Variants in ELMOD1 observed in about 807,000 individuals in gnomAD.
ELMOD1 encodes the protein ELMO domain containing 1, also known as ELMO domain-containing protein 1.
Under a neutral mutation model 46.7 loss-of-function variants are expected in ELMOD1, and 21 were observed. The ratio of observed to expected loss-of-function variants is 0.45; its 90% confidence interval spans 0.32 to 0.65. The LOEUF is 0.65. Among genes scored for constraint, ELMOD1 ranks in the 30% least tolerant of loss-of-function variants. ELMOD1 has a pLI of 0.04. For missense variants in ELMOD1, 348 were observed against 407.8 expected (o/e 0.85, Z 1.26); for synonymous variants, 122 against 138.2 (o/e 0.88, Z 0.82).
Position 107,630,490 on chromosome 11 carries a change from C to G in ELMOD1, c.91C>G (p.Leu31Val). 2 of 1,608,740 alleles carry G rather than the reference C, an allele frequency of 1.2e-6. No individual in the cohort carries two copies. The highest frequency in any genetic ancestry group is 1.7e-6 in the Non-Finnish European group (2 of 1,177,458). Residue 31 changes from leucine to valine, a missense_variant, in exon 3 of 12, where the codon CTA (leucine) becomes GTA (valine). Leu to Val is a conservative substitution (Grantham distance 32). Transcript: ENST00000265840. ...WRCLKFVMRK[L>V]TGRCELQRIC... is the part of the protein sequence containing the mutation. ...CTGCCTGAAATTTGTAATGAGGAAG[C>G]TAACTGGAAGATGTGAACTACAACG...
intron 2 of ELMOD1, among the ~76,000 whole-genome samples, chr11:107,620,850 G>A (rs1036429704): frequency 7.9e-5 from 12 of 152,228 alleles, no homozygotes; most frequent in Middle Eastern, 3.4e-3. Flanking sequence ...GCAAAAGAGC[G>A]AGACTCCGTC....
At chr11:107,599,981 A>C (rs1865569618) in intron 1 of ELMOD1, among the ~76,000 whole-genome samples, 1 of 152,130 alleles carries the variant, frequency 6.6e-6, no homozygotes, top group African/African-American at 2.4e-5. Context: ...TAATTATTAT[A>C]GACTTTCTTG....
intron 6 of ELMOD1, among the ~76,000 whole-genome samples, chr11:107,646,254 G>T (rs1374259158): frequency 6.6e-6 from 1 of 152,236 alleles, no homozygotes; most frequent in African/African-American, 2.4e-5. Context: ...AAGCAGTAAA[G>T]AGTATAATGC....
At chr11:107,662,788 G>A (rs926105889) in intron 11 of ELMOD1, among the ~76,000 whole-genome samples, 1 of 151,988 alleles carries the variant, frequency 6.6e-6, no homozygotes, top group African/African-American at 2.4e-5. Flanking sequence ...AGCCAGGCAT[G>A]GTGGCACACG....
chr11:107,644,218 C>T (rs1472056288), intron 6 of ELMOD1, among the ~76,000 whole-genome samples: 1 of 151,784 alleles, frequency 6.6e-6, no homozygotes, highest in Non-Finnish European at 1.5e-5. Context: ...ATCCCTTGTA[C>T]CCAGGAAGCA....
At chr11:107,603,705 C>G (rs185804558) in intron 1 of ELMOD1, among the ~76,000 whole-genome samples, 5 of 152,138 alleles carry the variant, frequency 3.3e-5, no homozygotes, top group Admixed American at 6.5e-5. Flanking sequence ...GGCCAAAACC[C>G]GTCTCTACTA....
chr11:107,618,794 T>C (rs1348801899), intron 2 of ELMOD1, among the ~76,000 whole-genome samples: 1 of 152,222 alleles, frequency 6.6e-6, no homozygotes, highest in Non-Finnish European at 1.5e-5. Context: ...TTTTTAGTTT[T>C]GAAAAGCATT....
chr11:107,662,553 T>C (rs1866758979), intron 11 of ELMOD1, among the ~76,000 whole-genome samples: 1 of 150,036 alleles, frequency 6.7e-6, no homozygotes, highest in Non-Finnish European at 1.5e-5. Context: ...GAGGTTGTGG[T>C]GAGCCAAGAT....
At position 107,647,518 on chromosome 11, in the gene ELMOD1, G is replaced by A; in HGVS notation, c.471G>A (p.Lys157=). ...PNTPLESRIS[K]QWCEIGFQGD... is the part of the protein sequence containing the mutation. Reference sequence around the variant, plus strand: ...CTCCACTGGAATCTCGGATTTCTAAGCAGTGGTGTGAAATTGGTTTCCAAG... The same window carrying A: ...CTCCACTGGAATCTCGGATTTCTAAACAGTGGTGTGAAATTGGTTTCCAAG... Residue 157 remains lysine, a synonymous_variant, in exon 7 of 12, where the codon AAG becomes AAA. Transcript: ENST00000265840. The A allele has an allele frequency of 1.2e-6, 2 of 1,613,448 alleles. No individual in the cohort carries two copies. The highest frequency in any genetic ancestry group is 1.7e-6 in the Non-Finnish European group (2 of 1,179,692).
intron 1 of ELMOD1, among the ~76,000 whole-genome samples, chr11:107,604,412 T>C (rs1391778148): frequency 6.6e-6 from 1 of 152,200 alleles, no homozygotes; most frequent in Non-Finnish European, 1.5e-5. Context: ...GAGAGTCCTA[T>C]AGTGTGATTT....
chr11:107,621,799 G>A (rs1865954057), intron 2 of ELMOD1, among the ~76,000 whole-genome samples: 1 of 150,760 alleles, frequency 6.6e-6, no homozygotes, highest in Non-Finnish European at 1.5e-5. Context: ...GGCCAAGGCA[G>A]GTGGATCACC....
At chr11:107,634,154 A>G (rs534445764) in intron 5 of ELMOD1, among the ~76,000 whole-genome samples, 1 of 152,308 alleles carries the variant, frequency 6.6e-6, no homozygotes, top group African/African-American at 2.4e-5. Context: ...AAAAGACTAG[A>G]TTGGAGAGTA....
chr11:107,599,729 G>T (rs1224538134), intron 1 of ELMOD1, among the ~76,000 whole-genome samples: 1 of 81,138 alleles, frequency 1.2e-5, no homozygotes, highest in Non-Finnish European at 2.1e-5. Flanking sequence ...GCGACAGAGC[G>T]AGACCTGTCT....
At chr11:107,654,007 A>G (rs1866575787) in intron 9 of ELMOD1, 165 bp from the exon 10 acceptor site, 1 of 631,610 alleles carries the variant, frequency 1.6e-6, no homozygotes, top group South Asian at 2.0e-5. Flanking sequence ...AAATAATTCC[A>G]TTTCTGACCT....
intron 1 of ELMOD1, among the ~76,000 whole-genome samples, chr11:107,594,519 T>A (rs956488809): frequency 2.0e-5 from 3 of 152,218 alleles, no homozygotes; most frequent in African/African-American, 7.2e-5. Context: ...AAATAGCAAT[T>A]GATCTGCTCT....
At chr11:107,593,352 A>G (rs1368983535) in intron 1 of ELMOD1, 1 of 152,242 alleles carries the variant, frequency 6.6e-6, no homozygotes, top group East Asian at 1.9e-4. Flanking sequence ...TAGCTTTCCA[A>G]GAGATCTTAA....
rs1037292204 is a variant in ELMOD1, at chr11:107,652,982, C to A, written c.648-1190C>A. On this transcript the variant is annotated intron_variant, in intron 9 of 11. Transcript: ENST00000265840. ...ACTAGTTTTTACATTGTATTGAGTT[C>A]AAATGCAAACTACAGTTTATACAAT... Among the ~76,000 whole-genome samples the A allele has an allele frequency of 3.3e-5, 5 of 152,210 alleles. No homozygotes were observed. The East Asian group carries it at 9.6e-4, about 29-fold the overall frequency.
At position 107,600,706 on chromosome 11, in the gene ELMOD1, A is replaced by G. The variant is rs1865582592; in HGVS notation, c.-86+9297A>G. The stretch of plus-strand genomic sequence containing the variant: ...CATTTGTTTACTCAAGCTCTTCCAC[A>G]TTCCTATTAAATATTTCCCACCCAT... On this transcript the variant is annotated intron_variant, in intron 1 of 11. Coordinates refer to ENST00000265840, the MANE Select transcript of ELMOD1 (RefSeq NM_018712.4). 3 of 152,920 alleles carry G rather than the reference A, an allele frequency of 2.0e-5. No individual in the cohort carries two copies. The Admixed American group carries it at 2.0e-4, about 10-fold the overall frequency. 9.5% of individuals were successfully genotyped at this position (152,920 alleles called of 1,614,324 possible). A position where few individuals can be genotyped will look rare whatever the true frequency, so the allele number is the denominator to read the frequency against.
chr11:107,594,811 A>G (rs570649314), intron 1 of ELMOD1, among the ~76,000 whole-genome samples: 263 of 152,366 alleles, frequency 1.7e-3, no homozygotes, highest in Non-Finnish European at 3.1e-3. Flanking sequence ...TGATCCAGCT[A>G]TCTTTAAAAA....
Sources: allele counts gnomAD v4.1 joint callset (sites outside exome capture counted in the v4.1 genomes callset), GRCh38; gene constraint gnomAD v4.1.1; transcripts MANE v1.5; gene names NCBI Gene and HGNC (gene_info 2026-07-23, HGNC 2026-07-21).